NUP35: variants seen among roughly 807,000 people sequenced by gnomAD.
The protein encoded by NUP35 is nucleoporin NUP35.
In NUP35, 25 loss-of-function variants were observed where a neutral mutation model predicts 41.5. The observed-to-expected ratio is 0.60, with a 90% CI of 0.44 to 0.84. The LOEUF is 0.84. Ranked by LOEUF, NUP35 falls within the 40% of genes least tolerant of loss-of-function variation. The pLI, the probability that NUP35 is intolerant of heterozygous loss-of-function variation, is 0.00. For missense variants in NUP35, 396 were observed against 396.6 expected (o/e 1.00, Z 0.01); for synonymous variants, 149 against 130.7 (o/e 1.14, Z -0.96).
chr2:183,126,955 A>G (rs1395522364), intron 1 of NUP35, among the ~76,000 whole-genome samples: 3 of 151,164 alleles, frequency 2.0e-5, no homozygotes, highest in Non-Finnish European at 4.4e-5. Context: ...GAAAATAATA[A>G]TTCGTATTTA....
chr2:183,159,831 A>G (rs1685805491), intron 8 of NUP35, 179 bp downstream of exon 8: 1 of 489,768 alleles, frequency 2.0e-6, no homozygotes, highest in East Asian at 3.4e-5. Flanking sequence ...GGCCAATTGG[A>G]AAGTTATCAT....
chr2:183,159,945 C>T, intron 8 of NUP35: 1 of 261,770 alleles, frequency 3.8e-6, no homozygotes, highest in South Asian at 6.3e-5. Flanking sequence ...ATCCTGTGTG[C>T]ATCTTTGACA....
intron 4 of NUP35, among the ~76,000 whole-genome samples, chr2:183,138,948 T>C (rs1462750088): frequency 1.3e-5 from 2 of 151,912 alleles, no homozygotes; most frequent in African/African-American, 2.4e-5. Context: ...GGTTAGGTAC[T>C]CCTTACATGT....
At chr2:183,130,913 A>C in intron 3 of NUP35, 2 of 1,057,036 alleles carry the variant, frequency 1.9e-6, no homozygotes, top group Non-Finnish European at 2.4e-6. Context: ...GAACAAATGA[A>C]AATTTAGAGT....
chr2:183,136,348 A>T (rs1381421477), intron 4 of NUP35, among the ~76,000 whole-genome samples: 1 of 152,244 alleles, frequency 6.6e-6, no homozygotes, highest in African/African-American at 2.4e-5. Flanking sequence ...GTTAGAGCTC[A>T]GATGTCAACA....
In NUP35 at chr2:183,158,365, T is replaced by A. The variant is rs201358343; in HGVS notation, c.692T>A (p.Ile231Asn). 1 of 1,608,950 alleles carries A rather than the reference T, an allele frequency of 6.2e-7. No individual in the cohort carries two copies. The highest frequency in any genetic ancestry group is 8.5e-7 in the Non-Finnish European group (1 of 1,176,774). The change falls in exon 7 of 9, where the codon ATT becomes AAT. Residue 231 changes from isoleucine (I) to asparagine (N), a missense_variant. Transcript: ENST00000295119. The part of the protein sequence containing the change: ...ARKALSKDGR[I>N]FGESIMIGVK... ...AAAGCCTTAAGCAAAGATGGGAGGATTTTTGGAGAATCCATCATGATTGGT... is the reference window on the plus strand; with the variant it reads ...AAAGCCTTAAGCAAAGATGGGAGGAATTTTGGAGAATCCATCATGATTGGT...
At chr2:183,136,698 A>G (rs919512244) in intron 4 of NUP35, among the ~76,000 whole-genome samples, 2 of 152,222 alleles carry the variant, frequency 1.3e-5, no homozygotes, top group South Asian at 2.1e-4. Flanking sequence ...AAGTCAGCTG[A>G]GTAGTAACCC....
At chr2:183,126,409 G>A (rs888104235) in intron 1 of NUP35, among the ~76,000 whole-genome samples, 2 of 152,036 alleles carry the variant, frequency 1.3e-5, no homozygotes, top group African/African-American at 4.8e-5. Context: ...TTTTAGGGAG[G>A]GGGAGTGAAT....
intron 4 of NUP35, among the ~76,000 whole-genome samples, chr2:183,142,632 C>A (rs1685137200): frequency 7.9e-6 from 1 of 127,084 alleles, no homozygotes; most frequent in Admixed American, 7.4e-5. Flanking sequence ...AGATGTGCAC[C>A]ACATGCTGGG....
At chr2:183,151,711 A>C in intron 5 of NUP35, 62 bp downstream of exon 5, 1 of 1,481,210 alleles carries the variant, frequency 6.8e-7, no homozygotes, top group Non-Finnish European at 9.2e-7. Flanking sequence ...AATGAATATA[A>C]TCAAACATAC....
chr2:183,138,269 ATTTT>A (rs147315571), intron 4 of NUP35, among the ~76,000 whole-genome samples: 1 of 80,696 alleles, frequency 1.2e-5, no homozygotes, highest in South Asian at 4.8e-4. Context: ...ATATATATAT[ATTTT>A]TTTTTTTTTT....
intron 4 of NUP35, among the ~76,000 whole-genome samples, chr2:183,142,281 T>C (rs1236007597): frequency 6.6e-6 from 1 of 152,210 alleles, no homozygotes; most frequent in Non-Finnish European, 1.5e-5. Context: ...GAAACTTCCC[T>C]GTATTATTTG....
chr2:183,159,824 C>A, intron 8 of NUP35, 172 bp downstream of exon 8: 3 of 492,970 alleles, frequency 6.1e-6, no homozygotes, highest in South Asian at 4.2e-5. Context: ...ACATCTTGGC[C>A]AATTGGAAAG....
chr2:183,153,936 T>C (rs1685559017), intron 5 of NUP35, among the ~76,000 whole-genome samples: 1 of 152,206 alleles, frequency 6.6e-6, no homozygotes, highest in African/African-American at 2.4e-5. Flanking sequence ...TCCATACATC[T>C]TCTGAAATCT....
intron 4 of NUP35, among the ~76,000 whole-genome samples, chr2:183,134,739 C>T (rs1684816837): frequency 6.6e-6 from 1 of 151,746 alleles, no homozygotes; most frequent in African/African-American, 2.4e-5. Context: ...CCTCAGCCTC[C>T]CGGGTAGCTG....
chr2:183,123,206 C>A (rs1240650074), upstream of NUP35, among the ~76,000 whole-genome samples: 1 of 152,182 alleles, frequency 6.6e-6, no homozygotes, highest in Non-Finnish European at 1.5e-5. Context: ...TTTAGCCCTA[C>A]AATACTCATT....
intron 5 of NUP35, among the ~76,000 whole-genome samples, chr2:183,154,378 G>C (rs1685575653): frequency 6.6e-6 from 1 of 152,150 alleles, no homozygotes; most frequent in African/African-American, 2.4e-5. Context: ...CTTTTATGCT[G>C]TGTTTCCCCT....
chr2:183,146,534 C>G (rs1430375917), intron 4 of NUP35, among the ~76,000 whole-genome samples: 1 of 152,062 alleles, frequency 6.6e-6, no homozygotes, highest in African/African-American at 2.4e-5. Flanking sequence ...AACTAATTTA[C>G]ACTCCCACCA....
At chr2:183,135,633 A>C (rs6705795) in intron 4 of NUP35, among the ~76,000 whole-genome samples, 26,933 of 152,128 alleles carry the variant, frequency 0.18, 2,975 homozygotes, top group African/African-American at 0.31. Context: ...TAGTGATAGA[A>C]AAAGTAGGCA....
Sources: allele counts gnomAD v4.1 joint callset (sites outside exome capture counted in the v4.1 genomes callset), GRCh38; gene constraint gnomAD v4.1.1; transcripts MANE v1.5; gene names NCBI Gene and HGNC (gene_info 2026-07-23, HGNC 2026-07-21).